PAK1: variants seen among roughly 807,000 people sequenced by gnomAD.
PAK1 encodes serine/threonine-protein kinase PAK 1.
PAK1 carries 29 observed loss-of-function variants against 67.4 expected under a neutral mutation model. The ratio of observed to expected loss-of-function variants is 0.43; its 90% confidence interval spans 0.32 to 0.59. The LOEUF (loss-of-function observed/expected upper bound fraction) is 0.59, where lower values mean the gene tolerates loss of function less well. PAK1 is among the 20% of genes least tolerant of loss of function. The pLI is 0.07. For synonymous variants in PAK1, 223 were observed against 237.4 expected (o/e 0.94, Z 0.56); for missense variants, 337 against 670.7 (o/e 0.50, Z 5.50).
chr11:77,392,098 C>G (rs1182027681), intron 2 of PAK1, among the ~76,000 whole-genome samples: 2 of 152,254 alleles, frequency 1.3e-5, no homozygotes, highest in African/African-American at 4.8e-5. Flanking sequence ...TGTCCCAAAT[C>G]TGGCAAGAGC....
intron 1 of PAK1, among the ~76,000 whole-genome samples, chr11:77,450,119 T>C (rs1294593686): frequency 6.6e-6 from 1 of 152,222 alleles, no homozygotes; most frequent in African/African-American, 2.4e-5. Flanking sequence ...AAGATAATTA[T>C]TTAAAGCACC....
chr11:77,457,320 G>C (rs1957126033), intron 1 of PAK1, among the ~76,000 whole-genome samples: 1 of 152,202 alleles, frequency 6.6e-6, no homozygotes, highest in Admixed American at 6.5e-5. Flanking sequence ...AAAGTGAGCT[G>C]TTAGACTTCC....
At chr11:77,402,278 G>A (rs189692774) in intron 1 of PAK1, among the ~76,000 whole-genome samples, 53 of 152,236 alleles carry the variant, frequency 3.5e-4, no homozygotes, top group Admixed American at 2.2e-3. Flanking sequence ...AGTGGAAACG[G>A]CAGAGAAATT....
the PAK1 span, among the ~76,000 whole-genome samples, chr11:77,511,369 T>G: frequency 6.6e-6 from 1 of 152,160 alleles, no homozygotes; most frequent in Non-Finnish European, 1.5e-5. Flanking sequence ...TTAAGGTGAG[T>G]CTAGGAGTCT....
chr11:77,479,770 G>C, the PAK1 span, among the ~76,000 whole-genome samples: 1 of 151,496 alleles, frequency 6.6e-6, no homozygotes, highest in African/African-American at 2.4e-5. Flanking sequence ...AGCACACCCG[G>C]CTAATTTTTG....
At chr11:77,324,646 G>A (rs1939268825) in intron 14 of PAK1, among the ~76,000 whole-genome samples, 1 of 151,970 alleles carries the variant, frequency 6.6e-6, no homozygotes, top group Admixed American at 6.6e-5. Context: ...AGGAAATTGA[G>A]AACCAGATTT....
At chr11:77,416,109 G>A (rs1384756996) in intron 1 of PAK1, among the ~76,000 whole-genome samples, 1 of 151,868 alleles carries the variant, frequency 6.6e-6, no homozygotes, top group African/African-American at 2.4e-5. Flanking sequence ...CTCCCGAGTA[G>A]CTGGAATTAC....
chr11:77,370,255 A>C (rs1379838898), intron 5 of PAK1, among the ~76,000 whole-genome samples: 1 of 152,140 alleles, frequency 6.6e-6, no homozygotes, highest in Non-Finnish European at 1.5e-5. Flanking sequence ...CTGCAGAGCT[A>C]CTTCTCCTGT....
chr11:77,448,671 GAGAA>G (rs956655310), intron 1 of PAK1, among the ~76,000 whole-genome samples: 14 of 152,208 alleles, frequency 9.2e-5, no homozygotes, highest in Admixed American at 6.5e-5. Flanking sequence ...AAGGGAACAT[GAGAA>G]AGAATGTTTG....
chr11:77,469,662 A>G (rs555435080), intron 1 of PAK1, among the ~76,000 whole-genome samples: 2 of 151,848 alleles, frequency 1.3e-5, no homozygotes, highest in South Asian at 4.2e-4. Context: ...ATTACCCCTT[A>G]GAAATTAAAA....
At chr11:77,449,657 G>T (rs1382430454) in intron 1 of PAK1, among the ~76,000 whole-genome samples, 1 of 142,952 alleles carries the variant, frequency 7.0e-6, no homozygotes, top group East Asian at 2.0e-4. Context: ...TGGGTTGCTG[G>T]AATGAATAAT....
chr11:77,363,063 C>G (rs547915551), intron 5 of PAK1, among the ~76,000 whole-genome samples: 24 of 152,184 alleles, frequency 1.6e-4, no homozygotes, highest in African/African-American at 5.8e-4. Flanking sequence ...TAAAAACCAC[C>G]TTGGGAAGGC....
chr11:77,463,593 T>C (rs1957460552), intron 1 of PAK1, among the ~76,000 whole-genome samples: 1 of 152,224 alleles, frequency 6.6e-6, no homozygotes, highest in South Asian at 2.1e-4. Flanking sequence ...AACAATGAAA[T>C]AGAGCATTCT....
At chr11:77,476,552 C>G (rs1958063327), upstream of PAK1, 1 of 152,202 alleles carries the variant, frequency 6.6e-6, no homozygotes, top group African/African-American at 2.4e-5. Context: ...TGGGAGCAGA[C>G]TGGAAAATGG....
intron 14 of PAK1, among the ~76,000 whole-genome samples, chr11:77,332,023 C>T (rs1320462379): frequency 1.3e-5 from 2 of 151,860 alleles, no homozygotes; most frequent in Non-Finnish European, 2.9e-5. Context: ...TACAAGCAGG[C>T]TGGTCATGGT....
In PAK1 at chr11:77,414,052, T is replaced by C. The variant is rs553961720; in HGVS notation, c.-21-21511A>G. On this transcript the variant is annotated intron_variant, in intron 1 of 14. Transcript: ENST00000356341. ...ACTTTCCACCAGCACTATGAGGCAG[T>C]GTTTCCTCACATTCAGCCAGGTGGC... 5.9e-5 allele frequency among the ~76,000 whole-genome samples: 9 copies of C among 152,358 alleles called. No homozygotes were observed. In the South Asian group the frequency reaches 1.9e-3, roughly 32 times the overall value.
chr11:77,472,633 T>C (rs1378839186), intron 1 of PAK1, among the ~76,000 whole-genome samples: 1 of 152,246 alleles, frequency 6.6e-6, no homozygotes, highest in Non-Finnish European at 1.5e-5. Context: ...GTATCTGTAC[T>C]GATAATTCCT....
intron 5 of PAK1, among the ~76,000 whole-genome samples, chr11:77,364,814 G>A (rs1267468081): frequency 2.0e-5 from 3 of 152,124 alleles, no homozygotes; most frequent in Non-Finnish European, 4.4e-5. Flanking sequence ...TTTTAAGAAA[G>A]CCTAACAACG....
chr11:77,440,946 C>T (rs528374927), intron 1 of PAK1, among the ~76,000 whole-genome samples: 2 of 152,240 alleles, frequency 1.3e-5, no homozygotes, highest in South Asian at 4.1e-4. Context: ...CTTGGGGATC[C>T]ATATAGGCCA....
Sources: allele counts gnomAD v4.1 joint callset (sites outside exome capture counted in the v4.1 genomes callset), GRCh38; gene constraint gnomAD v4.1.1; transcripts MANE v1.5; gene names NCBI Gene and HGNC (gene_info 2026-07-23, HGNC 2026-07-21).